Variants in F8 observed in about 807,000 individuals in gnomAD.
F8 encodes the protein coagulation factor VIII, also known as antihemophilic factor.
A neutral mutation model predicts 140.6 loss-of-function variants in F8; 12 were observed. That is an observed-to-expected ratio of 0.09 (90% CI 0.05 to 0.14). The LOEUF (loss-of-function observed/expected upper bound fraction) is 0.14, where lower values mean the gene tolerates loss of function less well. F8 is among the 10% of genes least tolerant of loss of function. The pLI is 1.00. For missense variants in F8, 1,354 were observed against 1,720.7 expected, an observed-to-expected ratio of 0.79 and a Z score of 3.77; for synonymous variants, 585 against 614.6, an observed-to-expected ratio of 0.95 and a Z score of 0.71.
rs1046500212 is a variant in F8 at position 154,837,570 on chromosome X, C to A, written c.*27G>T. The stretch of plus-strand genomic sequence containing the variant: ...GGAGCTGAGGAGGGAGAGGTGACGG[C>A]AGTGGCAGGTGCTGCAGTGGCCACC... On this transcript the variant is annotated 3_prime_UTR_variant, in exon 26 of 26. Transcript: ENST00000360256. The A allele has an allele frequency of 8.5e-7, 1 of 1,183,165 alleles. No homozygotes were observed. Among genetic ancestry groups the A allele is most frequent in the East Asian group, 3.1e-5 (1 of 32,321 alleles).
At chrX:154,964,378 GA>G (rs1302474805) in intron 9 of F8, among the ~76,000 whole-genome samples, 1 of 111,037 alleles carries the variant, frequency 9.0e-6, no homozygotes, top group Non-Finnish European at 1.9e-5. Flanking sequence ...ATGAAAAATA[GA>G]AAAAATACGT....
In F8 at chrX:154,904,026, G is replaced by T. The variant is rs137852363; in HGVS notation, c.5878C>A (p.Arg1960=). The change falls in exon 18 of 26, where the codon CGA becomes AGA. Residue 1960 remains arginine, a synonymous_variant. Coordinates refer to ENST00000360256, the MANE Select transcript of F8 (RefSeq NM_000132.4). ...GLVMAQDQRI[R]WYLLSMGSNE... is the part of the protein sequence containing the mutation. ...CTGCCCATGCTGAGCAGATACCATC[G>T]AATCCTTTGATCCTGAGCCATTACT... 3.9e-5 allele frequency: 47 copies of T among 1,210,830 alleles called. No homozygotes were observed. Among genetic ancestry groups the T allele is most frequent in the Non-Finnish European group, 5.3e-5 (47 of 894,985 alleles).
intron 7 of F8, 81 bp downstream of exon 7, chrX:154,969,250 T>A (rs2073441578): frequency 1.1e-6 from 1 of 912,614 alleles, no homozygotes; most frequent in East Asian, 3.2e-5. Flanking sequence ...ACACACTATA[T>A]TCCTGTACAT....
intron 1 of F8, among the ~76,000 whole-genome samples, chrX:155,016,100 G>A (rs2073732773): frequency 9.0e-6 from 1 of 111,258 alleles, no homozygotes; most frequent in Non-Finnish European, 1.9e-5. Flanking sequence ...AGCTGGGCAC[G>A]GTGGCGTGTG....
At chrX:154,913,248 G>A (rs1156392482) in intron 14 of F8, among the ~76,000 whole-genome samples, 1 of 111,772 alleles carries the variant, frequency 8.9e-6, no homozygotes, top group Non-Finnish European at 1.9e-5. Flanking sequence ...GAAAATTGAA[G>A]AAAGTATTGT....
Position 154,863,192 on chromosome X carries a change from T to C in F8, c.6465A>G (p.Lys2155=). 8.3e-7 allele frequency: 1 copy of C among 1,210,015 alleles called. No homozygotes were observed. Among genetic ancestry groups the C allele is most frequent in the Non-Finnish European group, 1.1e-6 (1 of 893,764 alleles). ...TAATTGGAGGGTTAAAAATATTGTG[T>C]TTTATCCCAGATGAATCCACATTGC... The part of the protein sequence containing the change: ...FFGNVDSSGI[K]HNIFNPPIIA... The change falls in exon 23 of 26, where the codon AAA becomes AAG. Residue 2155 remains lysine (K), a synonymous_variant. Transcript: ENST00000360256.
chrX:154,899,494 C>T (rs912248184), intron 21 of F8, among the ~76,000 whole-genome samples: 15 of 112,311 alleles, frequency 1.3e-4, no homozygotes, highest in Non-Finnish European at 2.8e-4. Flanking sequence ...TAAAAGTACA[C>T]ATGTGGTTTG....
chrX:154,967,300 A>C (rs1168867975), intron 7 of F8, among the ~76,000 whole-genome samples: 1 of 112,250 alleles, frequency 8.9e-6, no homozygotes, highest in Admixed American at 9.4e-5. Flanking sequence ...CTTAAAATCA[A>C]GGAGATATAT....
At chrX:154,941,063 G>C (rs188539551) in intron 13 of F8, among the ~76,000 whole-genome samples, 71 of 112,192 alleles carry the variant, frequency 6.3e-4, no homozygotes, top group African/African-American at 2.2e-3. Flanking sequence ...GCAAAATCAT[G>C]CCAAATTGTA....
intron 9 of F8, among the ~76,000 whole-genome samples, chrX:154,964,467 T>C (rs1355608693): frequency 8.9e-6 from 1 of 111,883 alleles, no homozygotes; most frequent in Non-Finnish European, 1.9e-5. Flanking sequence ...GAAGATGTCA[T>C]ACAGATATCA....
At chrX:154,845,064 C>T (rs1439863733) in intron 25 of F8, among the ~76,000 whole-genome samples, 27 of 111,442 alleles carry the variant, frequency 2.4e-4, no homozygotes, top group Non-Finnish European at 4.7e-4. Context: ...TGGTTTTTGT[C>T]TTTGGTTCTG....
At chrX:154,955,468 C>T (rs2073360481) in intron 11 of F8, among the ~76,000 whole-genome samples, 1 of 108,880 alleles carries the variant, frequency 9.2e-6, no homozygotes, top group African/African-American at 3.4e-5. Flanking sequence ...CTATTAAGCT[C>T]TTACTAAGTG....
At chrX:154,891,883 G>C (rs1209808583) in intron 22 of F8, among the ~76,000 whole-genome samples, 3 of 111,642 alleles carry the variant, frequency 2.7e-5, no homozygotes, top group African/African-American at 9.8e-5. Context: ...GTCCAAACAG[G>C]GTCTCTAAGG....
intron 22 of F8, among the ~76,000 whole-genome samples, chrX:154,870,533 G>A (rs1349892520): frequency 9.9e-5 from 11 of 111,454 alleles, no homozygotes; most frequent in Admixed American, 4.8e-4. Context: ...ACTATGTATC[G>A]GTGGAACATA....
At chrX:154,854,417 CAGTT>C (rs2072636437) in intron 25 of F8, among the ~76,000 whole-genome samples, 1 of 112,256 alleles carries the variant, frequency 8.9e-6, no homozygotes, top group Non-Finnish European at 1.9e-5. Context: ...ACTGGGACTT[CAGTT>C]TTTTTCCTGC....
chrX:154,879,528 G>A (rs1360747459), intron 22 of F8, among the ~76,000 whole-genome samples: 1 of 112,241 alleles, frequency 8.9e-6, no homozygotes, highest in South Asian at 3.7e-4. Context: ...AATAAATTAC[G>A]TGAGATAGTC....
At position 154,953,923 on chromosome X, in the gene F8, A is replaced by C; in HGVS notation, c.1872T>G (p.Asp624Glu). The C allele has an allele frequency of 8.3e-7, 1 of 1,211,624 alleles. No individual in the cohort carries two copies. The highest frequency in any genetic ancestry group is 1.8e-5 in the South Asian group (1 of 56,989). The change falls in exon 12 of 26, where the codon GAT becomes GAG. Residue 624 changes from aspartate (D) to glutamate (E), a missense_variant. Transcript: ENST00000360256. ...TGATGTTGGAGGCTTGGAACTCTGG[A>C]TCCTCAAGCTGCACTCCAGCTGGAT... ...LPNPAGVQLE[D>E]PEFQASNIMH...
chrX:154,964,084 C>CACACACACACACACAT (rs1557281799), intron 9 of F8, among the ~76,000 whole-genome samples: 1 of 110,480 alleles, frequency 9.1e-6, no homozygotes, highest in Non-Finnish European at 1.9e-5. Flanking sequence ...GTGAAATGCA[C>CACACACACACACACAT]ACACACACAC....
intron 1 of F8, among the ~76,000 whole-genome samples, chrX:155,005,459 G>C (rs902844194): frequency 1.8e-5 from 2 of 109,357 alleles, no homozygotes; most frequent in African/African-American, 6.7e-5. Context: ...TGGGGGGAGG[G>C]ATCTAGAATG....
Sources: gnomAD v4.1 joint callset for allele counts (sites outside exome capture counted in the v4.1 genomes callset) on GRCh38, gnomAD v4.1.1 for gene constraint, MANE v1.5 for transcripts, NCBI Gene and HGNC (gene_info 2026-07-23, HGNC 2026-07-21) for gene names.